The following PAPPA variants were observed in gnomAD, a reference collection of about 807,000 sequenced individuals.
PAPPA encodes the protein pappalysin 1.
In PAPPA, 60 loss-of-function variants were observed where a neutral mutation model predicts 164.0. The observed-to-expected ratio is 0.37, with a 90% CI of 0.30 to 0.45. The LOEUF is 0.45. PAPPA is among the 20% of genes least tolerant of loss of function. The pLI, the probability that PAPPA is intolerant of heterozygous loss-of-function variation, is 1.00. For synonymous variants in PAPPA, 875 were observed against 814.1 expected (o/e 1.07, Z -1.27); for missense variants, 1,782 against 2,087.3 (o/e 0.85, Z 2.85).
chr9:116,297,143 C>T (rs1302093559), intron 9 of PAPPA, among the ~76,000 whole-genome samples: 3 of 152,154 alleles, frequency 2.0e-5, no homozygotes, highest in African/African-American at 7.2e-5. Context: ...GCATGAGCCA[C>T]CATGTCTGGC....
intron 1 of PAPPA, among the ~76,000 whole-genome samples, chr9:116,168,961 G>A (rs767464496): frequency 1.3e-5 from 2 of 152,106 alleles, no homozygotes; most frequent in Admixed American, 6.5e-5. Context: ...TAGTCATGTC[G>A]GTGAGGGCTG....
intron 21 of PAPPA, among the ~76,000 whole-genome samples, chr9:116,384,471 C>CTGA (rs1028124521): frequency 6.6e-6 from 1 of 151,882 alleles, no homozygotes; most frequent in African/African-American, 2.4e-5. Flanking sequence ...TAAAAAAGTT[C>CTGA]TGATAGTAGT....
At chr9:116,370,120 G>C (rs1195714388) in intron 19 of PAPPA, among the ~76,000 whole-genome samples, 1 of 152,122 alleles carries the variant, frequency 6.6e-6, no homozygotes, top group Non-Finnish European at 1.5e-5. Flanking sequence ...AATTTAGATA[G>C]CTGGGGGTGA....
chr9:116,187,119 T>G lies in PAPPA; in HGVS notation c.416-35T>G, dbSNP rs1843980379. ...TTAACCCCCCCTCCTTTTCCATCCT[T>G]TATTTATTCATCTTTCTCTTTTGGG... On this transcript the variant is annotated intron_variant, in intron 1 of 21. Transcript: ENST00000328252. The surrounding 1 kb of genome is among the most constrained non-coding windows in gnomAD (Gnocchi z 4.2). The G allele has an allele frequency of 4.1e-6, 6 of 1,470,258 alleles. No homozygotes were observed. Among genetic ancestry groups the G allele is most frequent in the African/African-American group, 1.4e-5 (1 of 71,912 alleles). The allele number at this position is 1,470,258 out of a possible 1,614,324, so 91.1% of individuals were successfully genotyped here.
rs570218908 is a variant in PAPPA at position 116,225,780 on chromosome 9, G to A, written c.2112-1651G>A. Among the ~76,000 whole-genome samples the A allele has an allele frequency of 5.9e-5, 9 of 152,214 alleles. No homozygotes were observed. In the South Asian group the frequency reaches 1.9e-3, roughly 32 times the overall value. ...AAGGTCTGCACTAAGTTAGCCATGA[G>A]TATTAGCACATGCCTAAGTGACTGG... is the stretch of plus-strand genomic sequence containing the variant. On this transcript the variant is annotated intron_variant, in intron 5 of 21. Transcript: ENST00000328252.
chr9:116,347,633 G>C lies in PAPPA; in HGVS notation c.3964+424G>C, dbSNP rs1396477789. 1.3e-5 allele frequency among the ~76,000 whole-genome samples: 2 copies of C among 152,266 alleles called. No homozygotes were observed. Among genetic ancestry groups the C allele is most frequent in the South Asian group, 2.1e-4 (1 of 4,824 alleles). On this transcript the variant is annotated intron_variant, in intron 15 of 21. Coordinates refer to ENST00000328252, the MANE Select transcript of PAPPA (RefSeq NM_002581.5). The surrounding 1 kb of genome is among the most constrained non-coding windows in gnomAD (Gnocchi z 4.5). ...CAGATGAGGAAACCAAGCCTCAGAG[G>C]GTTTAAAGAACTTGCCCAAGGCTGC...
Position 116,187,189 on chromosome 9 carries a change from C to A in PAPPA, c.451C>A (p.Arg151=). ...CAAATGTTCTTATATCTCACGTGAC[C>A]GAGGATGGGTCGTGGGCATTCACAC... ...YDKCSYISRD[R]GWVVGIHTIS... Residue 151 remains arginine (R), a synonymous_variant, in exon 2 of 22, where the codon CGA becomes AGA. Transcript: ENST00000328252. The surrounding 1 kb of genome is among the most constrained non-coding windows in gnomAD (Gnocchi z 4.2). The A allele has an allele frequency of 1.2e-6, 2 of 1,614,006 alleles. No homozygotes were observed. The highest frequency in any genetic ancestry group is 1.7e-6 in the Non-Finnish European group (2 of 1,179,938).
At position 116,396,688 on chromosome 9, in the gene PAPPA, A is replaced by G; in HGVS notation, c.*72A>G. 1.3e-6 allele frequency: 1 copy of G among 742,464 alleles called. No homozygotes were observed. Among genetic ancestry groups the G allele is most frequent in the Non-Finnish European group, 2.5e-6 (1 of 398,080 alleles). The allele number at this position is 742,464 out of a possible 1,614,324, so 46.0% of individuals were successfully genotyped here. A position where few individuals can be genotyped will look rare whatever the true frequency, so the allele number is the denominator to read the frequency against. On this transcript the variant is annotated 3_prime_UTR_variant, in exon 22 of 22. Coordinates refer to ENST00000328252, the MANE Select transcript of PAPPA (RefSeq NM_002581.5). ...TCCCTTTGGTATTGATTTCACAGTC[A>G]GCTGCTCAACGGAATGGCCTCTCCA...
At chr9:116,231,541 G>A (rs1587963210) in intron 6 of PAPPA, among the ~76,000 whole-genome samples, 2 of 152,078 alleles carry the variant, frequency 1.3e-5, no homozygotes, top group South Asian at 4.2e-4. Context: ...AGTCTTGCAA[G>A]ACTAAAAGCT....
At chr9:116,333,733 C>G (rs1328481511) in intron 12 of PAPPA, among the ~76,000 whole-genome samples, 1 of 152,164 alleles carries the variant, frequency 6.6e-6, no homozygotes, top group Non-Finnish European at 1.5e-5. Context: ...CAAATATTTT[C>G]ATAGTTGTCG....
At chr9:116,329,355 T>A (rs899000601) in intron 10 of PAPPA, among the ~76,000 whole-genome samples, 3 of 152,348 alleles carry the variant, frequency 2.0e-5, no homozygotes, top group East Asian at 1.9e-4. Context: ...GGATTTTTTT[T>A]AATTTATAAA....
rs1026997724 is a variant in PAPPA, at chr9:116,352,121, T to A, written c.3965-585T>A. Among the ~76,000 whole-genome samples the A allele has an allele frequency of 2.0e-4, 31 of 152,348 alleles. 1 individual carries two copies. The Middle Eastern group carries it at 0.017, about 84-fold the overall frequency. ...ACGGGGGAAGTGCTGCTCTTTCACC[T>A]GCTTTGGCAAAGCTTCACTGAGCAC... On this transcript the variant is annotated intron_variant, in intron 15 of 21. Transcript: ENST00000328252.
chr9:116,357,906 T>C (rs1191592262), intron 17 of PAPPA, among the ~76,000 whole-genome samples: 1 of 152,164 alleles, frequency 6.6e-6, no homozygotes, highest in African/African-American at 2.4e-5. Context: ...CGGTGGAATC[T>C]TCAACACACC....
intron 14 of PAPPA, among the ~76,000 whole-genome samples, chr9:116,346,537 G>A (rs1187074396): frequency 1.3e-5 from 2 of 152,162 alleles, no homozygotes. Context: ...TGCCTACTGT[G>A]TGCCAAACAC....
chr9:116,290,744 G>A (rs1001244385), intron 9 of PAPPA, among the ~76,000 whole-genome samples: 1 of 150,944 alleles, frequency 6.6e-6, no homozygotes, highest in Non-Finnish European at 1.5e-5. Context: ...TAAAACTGCT[G>A]AAACTCCCTT....
intron 1 of PAPPA, among the ~76,000 whole-genome samples, chr9:116,169,610 G>A (rs1055945218): frequency 5.3e-5 from 8 of 151,694 alleles, no homozygotes; most frequent in South Asian, 2.1e-4. Context: ...ATGAGCCACC[G>A]CACCTAACCT....
chr9:116,189,866 A>T (rs1264589628), intron 2 of PAPPA, among the ~76,000 whole-genome samples: 1 of 152,186 alleles, frequency 6.6e-6, no homozygotes, highest in Admixed American at 6.5e-5. Context: ...TGTGCAAAGG[A>T]ATGAGGATGC....
intron 2 of PAPPA, among the ~76,000 whole-genome samples, chr9:116,199,435 T>C (rs548315333): frequency 3.3e-4 from 50 of 152,316 alleles, no homozygotes; most frequent in African/African-American, 1.2e-3. Flanking sequence ...ATCAGATTTT[T>C]CCCCATGTGT....
chr9:116,333,466 A>G (rs955846387), intron 12 of PAPPA, among the ~76,000 whole-genome samples: 2 of 152,150 alleles, frequency 1.3e-5, no homozygotes, highest in Admixed American at 1.3e-4. Flanking sequence ...TTTGGCCACT[A>G]CTGAAGCCTG....
Sources: gnomAD v4.1 joint callset for allele counts (sites outside exome capture counted in the v4.1 genomes callset) on GRCh38, gnomAD v4.1.1 for gene constraint, Gnocchi (gnomAD v3.1) non-coding constraint, MANE v1.5 for transcripts, NCBI Gene and HGNC (gene_info 2026-07-23, HGNC 2026-07-21) for gene names.